The following STOX2 variants were observed in gnomAD, a reference collection of about 807,000 sequenced individuals.
The protein encoded by STOX2 is storkhead-box protein 2.
A neutral mutation model predicts 60.9 loss-of-function variants in STOX2; 28 were observed. The observed-to-expected ratio is 0.46, with a 90% CI of 0.34 to 0.63. STOX2 has a LOEUF of 0.63. STOX2 is among the 30% of genes least tolerant of loss of function. The pLI is 0.01. For missense variants in STOX2, 1,024 were observed against 1,187.7 expected (o/e 0.86, Z 2.03); for synonymous variants, 472 against 463.9 (o/e 1.02, Z -0.22).
At chr4:183,843,306 G>A (rs139568280) in intron 1 of STOX2, among the ~76,000 whole-genome samples, 66 of 152,102 alleles carry the variant, frequency 4.3e-4, no homozygotes, top group African/African-American at 1.6e-3. Context: ...ACACAGAGAC[G>A]TCACCCTGAC....
At chr4:183,824,828 C>G (rs1739384218) in intron 1 of STOX2, among the ~76,000 whole-genome samples, 1 of 152,218 alleles carries the variant, frequency 6.6e-6, no homozygotes, top group South Asian at 2.1e-4. Flanking sequence ...CTTCCCCAGA[C>G]ACGCAGGGCA....
At chr4:183,968,166 G>A (rs1743632413) in intron 1 of STOX2, among the ~76,000 whole-genome samples, 1 of 151,976 alleles carries the variant, frequency 6.6e-6, no homozygotes, top group African/African-American at 2.4e-5. Context: ...TAATCCAAGG[G>A]TTGTCACACT....
chr4:183,998,833 T>A (rs1404207185), intron 1 of STOX2, among the ~76,000 whole-genome samples: 2 of 150,846 alleles, frequency 1.3e-5, no homozygotes, highest in South Asian at 2.2e-4. Context: ...TGAGCCACCA[T>A]GCCCAACCCA....
chr4:183,945,968 G>T (rs778145471), intron 1 of STOX2, among the ~76,000 whole-genome samples: 10 of 152,128 alleles, frequency 6.6e-5, no homozygotes, highest in Non-Finnish European at 1.2e-4. Flanking sequence ...AATGTAGTCC[G>T]TAGCTCCCTT....
chr4:183,802,408 TCTGTTGC>T (rs908821714), intron 1 of STOX2, among the ~76,000 whole-genome samples: 2 of 152,202 alleles, frequency 1.3e-5, no homozygotes, highest in Non-Finnish European at 2.9e-5. Flanking sequence ...AAGGTTTCAT[TCTGTTGC>T]CCAGGCTGGA....
intron 1 of STOX2, among the ~76,000 whole-genome samples, chr4:183,859,086 A>G (rs1740369933): frequency 6.6e-6 from 1 of 152,132 alleles, no homozygotes; most frequent in Non-Finnish European, 1.5e-5. Flanking sequence ...TCCTCTGAAT[A>G]AGATCTATTA....
intron 1 of STOX2, among the ~76,000 whole-genome samples, chr4:183,951,444 C>CTTTTTT (rs1163579369): frequency 1.5e-5 from 1 of 66,464 alleles, no homozygotes; most frequent in African/African-American, 5.8e-5. Flanking sequence ...CTCTCTCTCT[C>CTTTTTT]TTTTTTTTTT....
chr4:183,833,805 A>G (rs1739631869), intron 1 of STOX2, among the ~76,000 whole-genome samples: 1 of 151,190 alleles, frequency 6.6e-6, no homozygotes, highest in Non-Finnish European at 1.5e-5. Flanking sequence ...AAAACGGTGA[A>G]ACCCCGTCTC....
intron 1 of STOX2, among the ~76,000 whole-genome samples, 159 bp downstream of exon 1, chr4:183,907,115 C>G (rs1238986509): frequency 6.6e-6 from 1 of 152,174 alleles, no homozygotes; most frequent in African/African-American, 2.4e-5. Context: ...TTTTGTACCT[C>G]CCAAGATCCA....
At chr4:183,916,854 A>G (rs13140792) in intron 1 of STOX2, among the ~76,000 whole-genome samples, 15,079 of 152,030 alleles carry the variant, frequency 0.099, 912 homozygotes, top group Non-Finnish European at 0.14. Context: ...TTCCAATAAC[A>G]CCCTCTTCCC....
chr4:183,804,716 C>G (rs1738845205), intron 1 of STOX2, among the ~76,000 whole-genome samples: 1 of 152,194 alleles, frequency 6.6e-6, no homozygotes, highest in South Asian at 2.1e-4. Flanking sequence ...TCTAGCTAGT[C>G]ATAAAAACCA....
At chr4:183,963,558 C>T (rs1398717629) in intron 1 of STOX2, among the ~76,000 whole-genome samples, 1 of 151,548 alleles carries the variant, frequency 6.6e-6, no homozygotes, top group Non-Finnish European at 1.5e-5. Context: ...TCCTGAGTAG[C>T]TGGGATTATA....
intron 1 of STOX2, among the ~76,000 whole-genome samples, chr4:183,799,013 G>A (rs1738699704): frequency 6.6e-6 from 1 of 152,146 alleles, no homozygotes; most frequent in African/African-American, 2.4e-5. Flanking sequence ...CATTTTGGGA[G>A]GTCAAAAGTT....
intron 1 of STOX2, among the ~76,000 whole-genome samples, chr4:183,879,296 C>T (rs978336144): frequency 4.6e-5 from 7 of 152,198 alleles, no homozygotes; most frequent in African/African-American, 7.2e-5. Context: ...ATCCCTTGTA[C>T]GCCTTTCTGC....
intron 1 of STOX2, among the ~76,000 whole-genome samples, chr4:183,939,621 A>C (rs1473517164): frequency 6.6e-6 from 1 of 151,330 alleles, no homozygotes; most frequent in Non-Finnish European, 1.5e-5. Flanking sequence ...CAGAATCACT[A>C]TTTATTGAGT....
chr4:183,818,951 A>G (rs1008123460), intron 1 of STOX2, among the ~76,000 whole-genome samples: 3 of 150,536 alleles, frequency 2.0e-5, no homozygotes, highest in Non-Finnish European at 4.4e-5. Context: ...CAGACTGGGC[A>G]GCGGGGCAGA....
chr4:184,020,918 G>C lies in STOX2; in HGVS notation c.*3634G>C, dbSNP rs773768587. ...TTTAAATTACATTGCAGTCACCATG[G>C]GGAGAAGAAACCTGTTCAGTGGAAG... is the stretch of plus-strand genomic sequence containing the variant. On this transcript the variant is annotated 3_prime_UTR_variant, in exon 4 of 4. Coordinates refer to ENST00000308497, the MANE Select transcript of STOX2 (RefSeq NM_020225.3). 4 of 152,118 alleles carry C rather than the reference G, an allele frequency of 2.6e-5. No individual in the cohort carries two copies. The highest frequency in any genetic ancestry group is 4.4e-5 in the Non-Finnish European group (3 of 68,014). 9.4% of individuals were successfully genotyped at this position (152,118 alleles called of 1,614,324 possible). A position where few individuals can be genotyped will look rare whatever the true frequency, so the allele number is the denominator to read the frequency against.
At chr4:184,012,974 G>A (rs1000635052) in intron 3 of STOX2, among the ~76,000 whole-genome samples, 1 of 152,062 alleles carries the variant, frequency 6.6e-6, no homozygotes, top group Non-Finnish European at 1.5e-5. Flanking sequence ...TCTGTAATCC[G>A]TGGTAGAAGT....
intron 1 of STOX2, among the ~76,000 whole-genome samples, chr4:183,950,737 C>G (rs1377229344): frequency 1.3e-5 from 2 of 152,202 alleles, no homozygotes; most frequent in Non-Finnish European, 2.9e-5. Flanking sequence ...AGAGCAGCCT[C>G]GCTGCAGCCA....
Sources: allele counts gnomAD v4.1 joint callset (sites outside exome capture counted in the v4.1 genomes callset), GRCh38; gene constraint gnomAD v4.1.1; transcripts MANE v1.5; gene names NCBI Gene and HGNC (gene_info 2026-07-23, HGNC 2026-07-21).